The following LRMDA variants were observed in gnomAD, a reference collection of about 807,000 sequenced individuals.
LRMDA encodes the protein leucine rich melanocyte differentiation associated.
LRMDA carries 18 observed loss-of-function variants against 29.8 expected under a neutral mutation model. The ratio of observed to expected loss-of-function variants is 0.60; its 90% CI spans 0.42 to 0.90. The LOEUF (loss-of-function observed/expected upper bound fraction) is 0.90, where lower values mean the gene tolerates loss of function less well. Ranked by LOEUF, LRMDA falls within the 40% of genes least tolerant of loss-of-function variation. LRMDA has a pLI of 0.00. For synonymous variants in LRMDA, 125 were observed against 109.4 expected (o/e 1.14, Z -0.89); for missense variants, 273 against 273.9 (o/e 1.00, Z 0.02).
intron 2 of LRMDA, among the ~76,000 whole-genome samples, chr10:75,804,075 T>C (rs1373252241): frequency 6.6e-6 from 1 of 152,242 alleles, no homozygotes; most frequent in Non-Finnish European, 1.5e-5. Flanking sequence ...GTGAGGTAGT[T>C]GGAAAGGCAC....
At chr10:75,851,247 A>G (rs1844728472) in intron 2 of LRMDA, among the ~76,000 whole-genome samples, 1 of 152,220 alleles carries the variant, frequency 6.6e-6, no homozygotes, top group Non-Finnish European at 1.5e-5. Flanking sequence ...GGATATTTTA[A>G]TATTACGATA....
At chr10:76,240,517 T>C (rs1852254006) in intron 5 of LRMDA, among the ~76,000 whole-genome samples, 2 of 149,530 alleles carry the variant, frequency 1.3e-5, no homozygotes, top group South Asian at 4.2e-4. Context: ...GGAACACTTT[T>C]ACATTGTTGG....
intron 2 of LRMDA, among the ~76,000 whole-genome samples, chr10:75,871,530 C>G (rs958104961): frequency 1.3e-5 from 2 of 152,154 alleles, no homozygotes; most frequent in African/African-American, 4.8e-5. Context: ...TTGCCAAGAG[C>G]AGCAACCTTG....
At chr10:75,492,588 CT>C (rs1845001150) in intron 2 of LRMDA, among the ~76,000 whole-genome samples, 1 of 152,142 alleles carries the variant, frequency 6.6e-6, no homozygotes, top group African/African-American at 2.4e-5. Flanking sequence ...GCCTTATTCT[CT>C]TTTATGTAGT....
chr10:75,617,928 G>A (rs1300055727), intron 2 of LRMDA, among the ~76,000 whole-genome samples: 1 of 152,156 alleles, frequency 6.6e-6, no homozygotes, highest in Non-Finnish European at 1.5e-5. Context: ...AACCTCGCTA[G>A]GCCTTTGTCG....
At chr10:76,468,908 A>AGAGAGG (rs1842591021) in intron 6 of LRMDA, among the ~76,000 whole-genome samples, 1 of 152,294 alleles carries the variant, frequency 6.6e-6, no homozygotes, top group African/African-American at 2.4e-5. Flanking sequence ...AGAGAGGGAA[A>AGAGAGG]GAGAGGGAGA....
intron 5 of LRMDA, among the ~76,000 whole-genome samples, chr10:76,161,575 A>G (rs1205751885): frequency 1.3e-5 from 2 of 152,366 alleles, no homozygotes; most frequent in African/African-American, 2.4e-5. Context: ...GTCATATGAC[A>G]TATTTTCTTT....
chr10:76,248,096 T>C (rs1478088523), intron 5 of LRMDA, among the ~76,000 whole-genome samples: 1 of 152,142 alleles, frequency 6.6e-6, no homozygotes, highest in Non-Finnish European at 1.5e-5. Flanking sequence ...CTTACCCCAA[T>C]AGTCCAGGAC....
intron 2 of LRMDA, among the ~76,000 whole-genome samples, chr10:75,959,014 C>G (rs1300076438): frequency 6.6e-6 from 1 of 152,170 alleles, no homozygotes; most frequent in African/African-American, 2.4e-5. Flanking sequence ...CCCACCGGGT[C>G]TCTCCCACAA....
Position 75,659,022 on chromosome 10 carries a change from C to T in LRMDA, c.131+220528C>T, listed in dbSNP as rs116258973. ...AGAAGCTTGATGGGCCTGGCCCCAC[C>T]GGCAGGAGATGAGGTAGATGGCCCC... is the stretch of plus-strand genomic sequence containing the variant. On this transcript the variant is annotated intron_variant, in intron 2 of 6. Coordinates refer to ENST00000611255, the MANE Select transcript of LRMDA (RefSeq NM_001305581.2). 2.7e-3 allele frequency among the ~76,000 whole-genome samples: 411 copies of T among 152,266 alleles called. 3 individuals are homozygous for T. The highest frequency in any genetic ancestry group is 0.014 in the Middle Eastern group (4 of 294).
chr10:76,473,960 C>T (rs1842642847), intron 6 of LRMDA, among the ~76,000 whole-genome samples: 2 of 151,528 alleles, frequency 1.3e-5, no homozygotes, highest in Admixed American at 6.6e-5. Context: ...AATTTCAAAA[C>T]TTATTAAAAG....
intron 2 of LRMDA, among the ~76,000 whole-genome samples, chr10:75,715,820 CCCT>C (rs1842493176): frequency 6.7e-6 from 1 of 150,034 alleles, no homozygotes; most frequent in Non-Finnish European, 1.5e-5. Context: ...CTCCCGCCCT[CCCT>C]CCTCTTTCCT....
At chr10:76,377,137 G>T (rs529617069) in intron 6 of LRMDA, among the ~76,000 whole-genome samples, 1 of 151,634 alleles carries the variant, frequency 6.6e-6, no homozygotes, top group Admixed American at 6.6e-5. Flanking sequence ...TGCCCACCTC[G>T]GCCTCCCAAA....
intron 2 of LRMDA, among the ~76,000 whole-genome samples, chr10:75,811,260 C>T (rs1012468065): frequency 9.2e-5 from 14 of 152,190 alleles, no homozygotes; most frequent in African/African-American, 3.1e-4. Context: ...ACACTTTCCT[C>T]TCCTTCATGG....
At chr10:76,318,120 G>A (rs1840723135) in intron 5 of LRMDA, among the ~76,000 whole-genome samples, 1 of 152,106 alleles carries the variant, frequency 6.6e-6, no homozygotes, top group South Asian at 2.1e-4. Context: ...ATAAGTGTCT[G>A]CTAAAAATAT....
chr10:75,766,120 G>A (rs958699069), intron 2 of LRMDA, among the ~76,000 whole-genome samples: 1 of 152,200 alleles, frequency 6.6e-6, no homozygotes, highest in African/African-American at 2.4e-5. Flanking sequence ...TATTTGGAGG[G>A]TTGGGTGTTC....
In LRMDA at chr10:76,383,830, G is replaced by A. The variant is rs547482281; in HGVS notation, c.601+59345G>A. 2.6e-5 allele frequency among the ~76,000 whole-genome samples: 4 copies of A among 152,282 alleles called. No homozygotes were observed. The South Asian group carries it at 8.3e-4, about 32-fold the overall frequency. On this transcript the variant is annotated intron_variant, in intron 6 of 6. Transcript: ENST00000611255. ...TCTTTTGACATTGAGGTTTCAGCTT[G>A]AATGTCATCTCCTCAGAGAGGTCTT...
At position 76,045,431 on chromosome 10, in the gene LRMDA, T is replaced by C. The variant is rs28507127; in HGVS notation, c.259-1733T>C. ...GTTAGTTTCCCCTCTCTTGGTAGTT[T>C]CCCCCTCTGGTTAGTTTCCTCCTCT... On this transcript the variant is annotated intron_variant, in intron 3 of 6. Transcript: ENST00000611255. Among the ~76,000 whole-genome samples, 315 of 151,228 alleles carry C rather than the reference T, an allele frequency of 2.1e-3. 2 individuals carry two copies. The highest frequency in any genetic ancestry group is 7.3e-3 in the African/African-American group (300 of 41,160).
At chr10:75,635,548 G>A (rs1407074685) in intron 2 of LRMDA, among the ~76,000 whole-genome samples, 6 of 152,130 alleles carry the variant, frequency 3.9e-5, no homozygotes, top group Non-Finnish European at 8.8e-5. Flanking sequence ...CCTAATTTCT[G>A]TCCATAATTA....
Sources: allele counts gnomAD v4.1 joint callset (sites outside exome capture counted in the v4.1 genomes callset), GRCh38; gene constraint gnomAD v4.1.1; transcripts MANE v1.5; gene names NCBI Gene and HGNC (gene_info 2026-07-23, HGNC 2026-07-21).